The following CNTNAP2 variants were observed in gnomAD, a reference collection of about 807,000 sequenced individuals.
CNTNAP2 encodes contactin associated protein 2.
In CNTNAP2, 98 loss-of-function variants were observed where a neutral mutation model predicts 155.2. The observed-to-expected ratio is 0.63, with a 90% CI of 0.54 to 0.75. The LOEUF is 0.75. Among genes scored for constraint, CNTNAP2 ranks in the 30% least tolerant of loss-of-function variants. The pLI, the probability that CNTNAP2 is intolerant of heterozygous loss-of-function variation, is 0.00. For missense variants in CNTNAP2, 1,727 were observed against 1,688.1 expected (o/e 1.02, Z -0.40); for synonymous variants, 651 against 631.2 (o/e 1.03, Z -0.47).
rs116090400 is a variant in CNTNAP2 at position 147,544,307 on chromosome 7, T to C, written c.1778-17831T>C. On this transcript the variant is annotated intron_variant, in intron 11 of 23. Coordinates refer to ENST00000361727, the MANE Select transcript of CNTNAP2 (RefSeq NM_014141.6). ...ACTCAGAAGCCCACAGAAGAGCACA[T>C]TTCAATGGCCCCAGACTTCCAAAAA... Among the ~76,000 whole-genome samples, 814 of 152,236 alleles carry C rather than the reference T, an allele frequency of 5.3e-3. 7 individuals are homozygous for C. The highest frequency in any genetic ancestry group is 0.019 in the African/African-American group (771 of 41,558).
intron 1 of CNTNAP2, among the ~76,000 whole-genome samples, chr7:146,507,489 A>G (rs1157757648): frequency 6.6e-6 from 1 of 152,150 alleles, no homozygotes; most frequent in Non-Finnish European, 1.5e-5. Context: ...CAACTGATAC[A>G]ATGGTTTTGT....
At chr7:146,610,578 TATC>T (rs1563155586) in intron 1 of CNTNAP2, among the ~76,000 whole-genome samples, 2 of 152,184 alleles carry the variant, frequency 1.3e-5, no homozygotes, top group South Asian at 4.1e-4. Flanking sequence ...AATATTCTAC[TATC>T]ATCTCAAAAT....
chr7:147,161,515 G>T (rs377604209), intron 8 of CNTNAP2: 1 of 152,168 alleles, frequency 6.6e-6, no homozygotes, highest in Non-Finnish European at 1.5e-5. Flanking sequence ...TGTATGTGGG[G>T]ATCCACCCAG....
chr7:146,500,036 T>G (rs1797277802), intron 1 of CNTNAP2, among the ~76,000 whole-genome samples: 1 of 152,198 alleles, frequency 6.6e-6, no homozygotes, highest in Non-Finnish European at 1.5e-5. Context: ...TTGCTAGTGT[T>G]TTTTTATATT....
chr7:147,317,990 A>C (rs929956451), intron 9 of CNTNAP2, among the ~76,000 whole-genome samples: 4 of 152,050 alleles, frequency 2.6e-5, no homozygotes, highest in African/African-American at 9.7e-5. Context: ...TAGCAATACT[A>C]TCTCTGATTC....
intron 13 of CNTNAP2, among the ~76,000 whole-genome samples, chr7:147,722,719 C>T (rs1390969558): frequency 6.6e-6 from 1 of 152,086 alleles, no homozygotes; most frequent in South Asian, 2.1e-4. Flanking sequence ...TTGCTTAAAC[C>T]TTTAAAGTCT....
chr7:147,449,135 C>A (rs1244351102), intron 10 of CNTNAP2, among the ~76,000 whole-genome samples: 2 of 152,096 alleles, frequency 1.3e-5, no homozygotes, highest in African/African-American at 4.8e-5. Flanking sequence ...CACTCATATA[C>A]CTATTGAAAG....
chr7:147,487,086 G>A (rs965793593), intron 11 of CNTNAP2, among the ~76,000 whole-genome samples: 1 of 152,164 alleles, frequency 6.6e-6, no homozygotes, highest in Non-Finnish European at 1.5e-5. Flanking sequence ...CAGTAAAAAT[G>A]TCATACAGCT....
chr7:147,750,727 G>A (rs1797119827), intron 13 of CNTNAP2, among the ~76,000 whole-genome samples: 1 of 152,156 alleles, frequency 6.6e-6, no homozygotes, highest in African/African-American at 2.4e-5. Flanking sequence ...AATGAGCTTA[G>A]GCTACAACAA....
chr7:147,372,781 G>T (rs1405717528), intron 9 of CNTNAP2, among the ~76,000 whole-genome samples: 1 of 151,888 alleles, frequency 6.6e-6, no homozygotes, highest in African/African-American at 2.4e-5. Context: ...AATCCCAATG[G>T]GATCAGAACA....
intron 1 of CNTNAP2, among the ~76,000 whole-genome samples, chr7:146,734,068 A>G (rs969666450): frequency 2.6e-5 from 4 of 152,088 alleles, no homozygotes; most frequent in African/African-American, 7.2e-5. Flanking sequence ...TAATAATAAT[A>G]AAGATGCTGG....
chr7:146,350,473 A>T lies in CNTNAP2; in HGVS notation c.97+233500A>T, dbSNP rs951442947. Among the ~76,000 whole-genome samples, 263 of 152,232 alleles carry T rather than the reference A, an allele frequency of 1.7e-3. 3 individuals carry two copies. The highest frequency in any genetic ancestry group is 3.4e-3 in the Middle Eastern group (1 of 294). On this transcript the variant is annotated intron_variant, in intron 1 of 23. Coordinates refer to ENST00000361727, the MANE Select transcript of CNTNAP2 (RefSeq NM_014141.6). Reference sequence around the variant, plus strand: ...TCAGAGAAATGCAAATCAAAACCACAATGAGATACCATCTCACACCAGTTA... The same window carrying T: ...TCAGAGAAATGCAAATCAAAACCACTATGAGATACCATCTCACACCAGTTA...
At chr7:147,011,549 T>C (rs1798625017) in intron 3 of CNTNAP2, among the ~76,000 whole-genome samples, 1 of 151,802 alleles carries the variant, frequency 6.6e-6, no homozygotes, top group Admixed American at 6.6e-5. Flanking sequence ...CCTTTTGGTA[T>C]TGTTGGGGCT....
intron 21 of CNTNAP2, among the ~76,000 whole-genome samples, chr7:148,273,946 G>A (rs4644156): frequency 0.56 from 85,411 of 151,956 alleles, 25,574 homozygotes; most frequent in South Asian, 0.77. Context: ...TGGAGCTTTG[G>A]CAAAGCCTCT....
chr7:146,449,642 A>G (rs1796449587), intron 1 of CNTNAP2, among the ~76,000 whole-genome samples: 1 of 152,174 alleles, frequency 6.6e-6, no homozygotes, highest in Non-Finnish European at 1.5e-5. Flanking sequence ...TCACAAACAC[A>G]TATGTGATAA....
At chr7:147,439,981 T>C (rs766103006) in intron 10 of CNTNAP2, among the ~76,000 whole-genome samples, 1 of 151,932 alleles carries the variant, frequency 6.6e-6, no homozygotes, top group Non-Finnish European at 1.5e-5. Flanking sequence ...ATAGGTGAAA[T>C]GTGGCAACAG....
intron 15 of CNTNAP2, among the ~76,000 whole-genome samples, chr7:147,989,217 C>T (rs1267970798): frequency 1.3e-5 from 2 of 152,222 alleles, no homozygotes; most frequent in South Asian, 2.1e-4. Context: ...CAACAGGCCA[C>T]GCTTAGGCCA....
In CNTNAP2 at chr7:147,791,083, G is replaced by A. The variant is rs574311159; in HGVS notation, c.2099-112482G>A. 3.3e-5 allele frequency among the ~76,000 whole-genome samples: 5 copies of A among 152,034 alleles called. No individual in the cohort carries two copies. In the South Asian group the frequency reaches 6.2e-4, roughly 19 times the overall value. ...TGTCATCTGTTATTTCTAGTTGCAC[G>A]TTTTGTCTTTCATTATTTTTGTCTC... On this transcript the variant is annotated intron_variant, in intron 13 of 23. Coordinates refer to ENST00000361727, the MANE Select transcript of CNTNAP2 (RefSeq NM_014141.6).
intron 4 of CNTNAP2, among the ~76,000 whole-genome samples, chr7:147,099,812 C>A (rs1330813378): frequency 6.6e-6 from 1 of 152,126 alleles, no homozygotes; most frequent in African/African-American, 2.4e-5. Flanking sequence ...TCTAGATAGT[C>A]TTTTCGCCAG....
Sources: allele counts gnomAD v4.1 joint callset (sites outside exome capture counted in the v4.1 genomes callset), GRCh38; gene constraint gnomAD v4.1.1; transcripts MANE v1.5; gene names NCBI Gene and HGNC (gene_info 2026-07-23, HGNC 2026-07-21).